The following SEC16A variants were observed in gnomAD, a reference collection of about 807,000 sequenced individuals.
The protein encoded by SEC16A is SEC16 homolog A, endoplasmic reticulum export factor, also known as protein transport protein Sec16A.
SEC16A carries 110 observed loss-of-function variants against 221.9 expected under a neutral mutation model. The ratio of observed to expected loss-of-function variants is 0.50; its 90% confidence interval spans 0.42 to 0.58. The LOEUF (loss-of-function observed/expected upper bound fraction) is 0.58, where lower values mean the gene tolerates loss of function less well. Among genes scored for constraint, SEC16A ranks in the 20% least tolerant of loss-of-function variants. The pLI, the probability that SEC16A is intolerant of heterozygous loss-of-function variation, is 0.00. For missense variants in SEC16A, 3,165 were observed against 3,097.8 expected (o/e 1.02, Z -0.52); for synonymous variants, 1,393 against 1,257.7 (o/e 1.11, Z -2.28).
At chr9:136,478,402 CAAAAA>C (rs34093106) in intron 2 of SEC16A, among the ~76,000 whole-genome samples, 7 of 95,262 alleles carry the variant, frequency 7.3e-5, no homozygotes, top group Middle Eastern at 5.6e-3. Context: ...GTCCCTAGCT[CAAAAA>C]AAAAAAAAAA....
intron 3 of SEC16A, among the ~76,000 whole-genome samples, chr9:136,473,233 T>C (rs1841130341): frequency 6.6e-6 from 1 of 152,380 alleles, no homozygotes; most frequent in Non-Finnish European, 1.5e-5. Flanking sequence ...TGGTTCCAAC[T>C]GGCCTTACAT....
chr9:136,459,952 A>G lies in SEC16A; in HGVS notation c.5074-78T>C. ...TCAATTCCACACAGCTGGGCTCACC[A>G]GGCACCTCACGGCCTGTGACAGCGT... On this transcript the variant is annotated intron_variant, in intron 14 of 31. Coordinates refer to ENST00000684901, the MANE Select transcript of SEC16A (RefSeq NM_014866.2). This position sits in a 1 kb window ranked among gnomAD's most constrained non-coding sequence, Gnocchi z 6.1. 10 of 1,536,892 alleles carry G rather than the reference A, an allele frequency of 6.5e-6. No homozygotes were observed. Among genetic ancestry groups the G allele is most frequent in the Non-Finnish European group, 8.0e-6 (9 of 1,125,670 alleles).
rs749661754 is a variant in SEC16A at position 136,475,030 on chromosome 9, A to C, written c.2586T>G (p.Ala862=). 6.2e-7 allele frequency: 1 copy of C among 1,613,730 alleles called. No homozygotes were observed. Among genetic ancestry groups the C allele is most frequent in the South Asian group, 1.1e-5 (1 of 91,050 alleles). Residue 862 remains alanine, a synonymous_variant, in exon 3 of 32, where the codon GCT becomes GCG. Coordinates refer to ENST00000684901, the MANE Select transcript of SEC16A (RefSeq NM_014866.2). The surrounding 1 kb of genome is among the most constrained non-coding windows in gnomAD (Gnocchi z 5.0). ...SHEKNQSWRE[A]LVGDRPAVSS... ...TGACTGCAGGTCTATCCCCCACCAA[A>C]GCCTCTCTCCAGGACTGATTCTTCT...
Position 136,475,120 on chromosome 9 carries a change from C to T in SEC16A, c.2496G>A (p.Gln832=), listed in dbSNP as rs915134469. Residue 832 remains glutamine (Q), a synonymous_variant, in exon 3 of 32, where the codon CAG becomes CAA. Transcript: ENST00000684901. This position sits in a 1 kb window ranked among gnomAD's most constrained non-coding sequence, Gnocchi z 5.0. ...SLQNPPVLIA[Q]PDHSYNLAQP... is the part of the protein sequence containing the mutation. ...GAGCCAGATTATAGCTGTGATCAGG[C>T]TGAGCAATCAAGACTGGAGGATTCT... The T allele has an allele frequency of 3.7e-6, 6 of 1,613,908 alleles. No homozygotes were observed. Among genetic ancestry groups the T allele is most frequent in the Non-Finnish European group, 5.1e-6 (6 of 1,179,866 alleles).
chr9:136,463,296 C>A (rs796462449), intron 11 of SEC16A, among the ~76,000 whole-genome samples, 164 bp from the exon 12 acceptor site: 1 of 152,230 alleles, frequency 6.6e-6, no homozygotes, highest in African/African-American at 2.4e-5. Context: ...ACCGCACGTT[C>A]CCTCTCCCTC....
chr9:136,475,507 T>C lies in SEC16A; in HGVS notation c.2109A>G (p.Ala703=), dbSNP rs1481823327. ...GAPPLDTVYP[A]PEKRPSARTQ... is the part of the protein sequence containing the mutation. ...TCCTGGCTGAAGGCCTCTTCTCGGG[T>C]GCTGGATACACAGTATCCAAGGGCG... The change falls in exon 3 of 32, where the codon GCA becomes GCG. Residue 703 remains alanine (A), a synonymous_variant. Transcript: ENST00000684901. The surrounding 1 kb of genome is among the most constrained non-coding windows in gnomAD (Gnocchi z 5.0). 6.2e-7 allele frequency: 1 copy of C among 1,610,476 alleles called. No homozygotes were observed.
chr9:136,446,615 C>T (rs760348772), intron 28 of SEC16A, among the ~76,000 whole-genome samples: 15 of 152,066 alleles, frequency 9.9e-5, no homozygotes, highest in African/African-American at 1.7e-4. Flanking sequence ...GCACATTCAC[C>T]GTGCTGAGCA....
intron 30 of SEC16A, among the ~76,000 whole-genome samples, chr9:136,444,605 A>G (rs949923624): frequency 6.6e-6 from 1 of 152,090 alleles, no homozygotes; most frequent in Non-Finnish European, 1.5e-5. Flanking sequence ...AACCCCCTTT[A>G]AGGCCATTTA....
intron 23 of SEC16A, chr9:136,448,700 G>T: frequency 5.7e-6 from 4 of 707,536 alleles, no homozygotes; most frequent in South Asian, 4.5e-5. Context: ...GACACCAGGA[G>T]AATGGAGGTC....
Position 136,463,515 on chromosome 9 carries a change from T to G in SEC16A, c.4595A>C (p.Glu1532Ala), listed in dbSNP as rs1200047751. 1 of 1,613,906 alleles carries G rather than the reference T, an allele frequency of 6.2e-7. No individual in the cohort carries two copies. Among genetic ancestry groups the G allele is most frequent in the Admixed American group, 1.7e-5 (1 of 60,034 alleles). Residue 1532 changes from glutamate (E) to alanine (A), a missense_variant, in exon 11 of 32, where the codon GAG becomes GCG. Transcript: ENST00000684901. ...AAAATTCCAAAGAAGACTTGCAGACTCTTTGTCAATTAAGTTTTCATTCTG... is the reference window on the plus strand; with the variant it reads ...AAAATTCCAAAGAAGACTTGCAGACGCTTTGTCAATTAAGTTTTCATTCTG... ...CLQNENLIDK[E>A]SASLLWNFIV...
chr9:136,467,095 GAATT>G lies in SEC16A; in HGVS notation c.3803-16_3803-13del. 1 of 1,604,392 alleles carries G rather than the reference GAATT, an allele frequency of 6.2e-7. No individual in the cohort carries two copies. On this transcript the variant is annotated splice_polypyrimidine_tract_variant and intron_variant, in intron 5 of 31. Transcript: ENST00000684901. ...CCAGTGACCTGGATCTGTGAGCAAGGAATTAATGATTAATACAGTAACATGCAAA... is the reference window on the plus strand; with the variant it reads ...CCAGTGACCTGGATCTGTGAGCAAGGAATGATTAATACAGTAACATGCAAA...
intron 4 of SEC16A, 129 bp from the exon 5 acceptor site, chr9:136,468,641 T>C (rs1840462302): frequency 1.6e-6 from 1 of 610,444 alleles, no homozygotes; most frequent in East Asian, 2.9e-5. Flanking sequence ...AAATTCCAAT[T>C]AGAAGATTCA....
intron 23 of SEC16A, among the ~76,000 whole-genome samples, chr9:136,449,543 CT>C (rs1220691834): frequency 2.0e-5 from 3 of 152,018 alleles, no homozygotes; most frequent in African/African-American, 7.3e-5. Context: ...CCGCCGCACC[CT>C]GACTCCCAGA....
rs1242763164 is a variant in SEC16A at position 136,476,138 on chromosome 9, G to A, written c.1478C>T (p.Pro493Leu). 1.2e-6 allele frequency: 2 copies of A among 1,613,844 alleles called. No homozygotes were observed. Among genetic ancestry groups the A allele is most frequent in the Non-Finnish European group, 1.7e-6 (2 of 1,179,868 alleles). Reference sequence around the variant, plus strand: ...ACCATGCCTGGGCACAGCTGGCCCAGGAAGGGGCCCATATCTGAACTGGTC... The same window carrying A: ...ACCATGCCTGGGCACAGCTGGCCCAAGAAGGGGCCCATATCTGAACTGGTC... ...PSDQFRYGPL[P>L]GPAVPRHGAV... The change falls in exon 3 of 32, where the codon CCT (proline) becomes CTT (leucine). Residue 493 changes from proline (P) to leucine (L), a missense_variant. By Grantham distance (98) the Pro-to-Leu change is moderately conservative. This residue lies in a region of SEC16A where 2,030 missense variants were observed against 1,923.1 expected (regional missense o/e 1.06). Coordinates refer to ENST00000684901, the MANE Select transcript of SEC16A (RefSeq NM_014866.2).
chr9:136,450,671 G>A (rs1837663274), intron 23 of SEC16A, among the ~76,000 whole-genome samples: 1 of 152,196 alleles, frequency 6.6e-6, no homozygotes, highest in Non-Finnish European at 1.5e-5. Context: ...TATTGGTGAA[G>A]ATGAGGGATA....
intron 4 of SEC16A, among the ~76,000 whole-genome samples, chr9:136,471,582 C>T (rs1276041623): frequency 6.6e-6 from 1 of 152,224 alleles, no homozygotes; most frequent in Non-Finnish European, 1.5e-5. Flanking sequence ...CCCAGGCCTC[C>T]GGAGACCGGT....
At position 136,455,584 on chromosome 9, in the gene SEC16A, C is replaced by T. The variant is rs1175673304; in HGVS notation, c.5857+17G>A. 5.2e-6 allele frequency: 8 copies of T among 1,536,386 alleles called. No homozygotes were observed. Among genetic ancestry groups the T allele is most frequent in the African/African-American group, 2.7e-5 (2 of 73,060 alleles). On this transcript the variant is annotated intron_variant, in intron 20 of 31. Transcript: ENST00000684901. ...CAGGGGCTTGTCTGAGGGCAGCAGC[C>T]GCGCACCTGGGCTCACCTGAGGGCA... is the stretch of plus-strand genomic sequence containing the variant.
chr9:136,447,909 T>G lies in SEC16A; in HGVS notation c.6391A>C (p.Ile2131Leu). The change falls in exon 25 of 32, where the codon ATT (isoleucine) becomes CTT (leucine). Residue 2131 changes from isoleucine to leucine, a missense_variant and splice_region_variant. Coordinates refer to ENST00000684901, the MANE Select transcript of SEC16A (RefSeq NM_014866.2). The surrounding 1 kb of genome is among the most constrained non-coding windows in gnomAD (Gnocchi z 5.5). ...AYLPDDKNKS[I>L]VWDEKKNQWV... ...TGGTTTTTCTTTTCATCCCAAACAA[T>G]CTGCCAAGATTTTAAAAAGAAAAAA... 1 of 1,606,570 alleles carries G rather than the reference T, an allele frequency of 6.2e-7. No homozygotes were observed. The highest frequency in any genetic ancestry group is 8.5e-7 in the Non-Finnish European group (1 of 1,176,130).
chr9:136,448,836 C>G lies in SEC16A; in HGVS notation c.6313-675G>C, dbSNP rs1204524157. 5.6e-6 allele frequency: 4 copies of G among 710,432 alleles called. No individual in the cohort carries two copies. The African/African-American group carries it at 7.3e-5, about 13-fold the overall frequency. The allele number at this position is 710,432 out of a possible 1,614,324, so 44.0% of individuals were successfully genotyped here. A position where few individuals can be genotyped will look rare whatever the true frequency, so the allele number is the denominator to read the frequency against. On this transcript the variant is annotated intron_variant, in intron 23 of 31. Transcript: ENST00000684901. ...GGAGGATGGAGGTGGGAAGCAGATCCAGAGACACCAGGAGGATGGAGGTGG... is the reference window on the plus strand; with the variant it reads ...GGAGGATGGAGGTGGGAAGCAGATCGAGAGACACCAGGAGGATGGAGGTGG...
Sources: allele counts gnomAD v4.1 joint callset (sites outside exome capture counted in the v4.1 genomes callset), GRCh38; gene constraint gnomAD v4.1.1; regional missense constraint gnomAD v4.1.1; non-coding constraint Gnocchi (gnomAD v3.1); transcripts MANE v1.5; gene names NCBI Gene and HGNC (gene_info 2026-07-23, HGNC 2026-07-21).